Variants in ACACA observed in about 807,000 individuals in gnomAD.
ACACA encodes the protein acetyl-CoA carboxylase alpha, also known as acetyl-CoA carboxylase 1.
Under a neutral mutation model 296.1 loss-of-function variants are expected in ACACA, and 103 were observed. The ratio of observed to expected loss-of-function variants is 0.35; its 90% CI spans 0.30 to 0.41. The LOEUF is 0.41. Among genes scored for constraint, ACACA ranks in the 10% least tolerant of loss-of-function variants. The pLI is 1.00. For missense variants in ACACA, 1,554 were observed against 2,989.7 expected (o/e 0.52, Z 11.20); for synonymous variants, 953 against 1,038.6 (o/e 0.92, Z 1.58).
At chr17:37,110,556 C>T (rs1196857544) in intron 52 of ACACA, among the ~76,000 whole-genome samples, 1 of 152,174 alleles carries the variant, frequency 6.6e-6, no homozygotes, top group Non-Finnish European at 1.5e-5. Context: ...CCGTGTTTGG[C>T]AGGCAACCTG....
intron 52 of ACACA, among the ~76,000 whole-genome samples, chr17:37,110,880 G>T (rs2073937692): frequency 6.6e-6 from 1 of 152,138 alleles, no homozygotes; most frequent in Non-Finnish European, 1.5e-5. Context: ...TGTTTTAAAA[G>T]AATCTGAAAC....
At chr17:37,366,575 T>A (rs1185684375) in intron 1 of ACACA, among the ~76,000 whole-genome samples, 1 of 151,662 alleles carries the variant, frequency 6.6e-6, no homozygotes, top group Non-Finnish European at 1.5e-5. Flanking sequence ...TTCAAGCAAT[T>A]CTCCTGCCTC....
At chr17:37,096,953 G>C (rs1218177853) in intron 54 of ACACA, 43 bp downstream of exon 54, 1 of 1,612,612 alleles carries the variant, frequency 6.2e-7, no homozygotes, top group Non-Finnish European at 8.5e-7. Flanking sequence ...CAGGTGGTGT[G>C]AGGAACTCAG....
chr17:37,106,768 A>T (rs1194172308), intron 52 of ACACA, among the ~76,000 whole-genome samples: 1 of 151,896 alleles, frequency 6.6e-6, no homozygotes, highest in Non-Finnish European at 1.5e-5. Context: ...GTCATTTGGG[A>T]CCAAGACACA....
intron 2 of ACACA, among the ~76,000 whole-genome samples, chr17:37,332,755 T>C (rs1301064356): frequency 6.6e-6 from 1 of 151,610 alleles, no homozygotes; most frequent in East Asian, 1.9e-4. Context: ...CTACTAAAAA[T>C]ACAAAAATTA....
intron 3 of ACACA, among the ~76,000 whole-genome samples, chr17:37,286,398 C>T (rs1381202760): frequency 3.3e-5 from 5 of 152,048 alleles, no homozygotes; most frequent in African/African-American, 4.8e-5. Context: ...ATTTACTGTC[C>T]TGGTTATTTA....
intron 1 of ACACA, chr17:37,377,795 G>A (rs2050071725): frequency 8.8e-7 from 1 of 1,140,654 alleles, no homozygotes; most frequent in Non-Finnish European, 1.3e-6. Flanking sequence ...CCATTGCCCA[G>A]AATTCTAAAA....
chr17:37,328,578 C>T (rs2047723986), intron 3 of ACACA: 1 of 254,604 alleles, frequency 3.9e-6, no homozygotes, highest in Non-Finnish European at 7.4e-6. Flanking sequence ...CACTAACGAA[C>T]ACTGCCTAGT....
chr17:37,194,786 G>T (rs576517518), intron 35 of ACACA, among the ~76,000 whole-genome samples: 1 of 152,050 alleles, frequency 6.6e-6, no homozygotes, highest in East Asian at 1.9e-4. Context: ...TCTTTTCCTT[G>T]GTATTTTAAC....
chr17:37,191,745 C>T (rs965571692), intron 37 of ACACA, among the ~76,000 whole-genome samples: 2 of 152,166 alleles, frequency 1.3e-5, no homozygotes, highest in South Asian at 2.1e-4. Context: ...GCTCTACCAT[C>T]ACCCAATTCT....
Position 37,379,525 on chromosome 17 carries a change from T to C in ACACA, c.38+26737A>G, listed in dbSNP as rs2050153138. ...GGTTGTTTGTTTTTTTTCTTGTAAA[T>C]TTGTTTGAGTTCATTGTAGATTCTG... On this transcript the variant is annotated intron_variant, in intron 1 of 55. Coordinates refer to ENST00000616317, the MANE Select transcript of ACACA (RefSeq NM_198834.3). 2.5e-6 allele frequency: 3 copies of C among 1,215,118 alleles called. No individual in the cohort carries two copies. The East Asian group carries it at 7.7e-5, about 31-fold the overall frequency. The allele number at this position is 1,215,118 out of a possible 1,614,324, so 75.3% of individuals were successfully genotyped here. A position where few individuals can be genotyped will look rare whatever the true frequency, so the allele number is the denominator to read the frequency against.
At chr17:37,302,648 T>C (rs1039057948) in intron 3 of ACACA, among the ~76,000 whole-genome samples, 58 of 152,354 alleles carry the variant, frequency 3.8e-4, no homozygotes, top group African/African-American at 1.3e-3. Flanking sequence ...ATAAGTCTTA[T>C]ACCTTTTTTG....
intron 29 of ACACA, among the ~76,000 whole-genome samples, chr17:37,211,988 A>G (rs2078767958): frequency 6.6e-6 from 1 of 152,208 alleles, no homozygotes; most frequent in South Asian, 2.1e-4. Flanking sequence ...GTTCTAGAAC[A>G]GAGGGAGGTA....
rs558542562 is a variant in ACACA, at chr17:37,213,170, C to CAT, written c.3684-2682_3684-2681dup. ...CCATCTTTACACACACACACACACA[C>CAT]ATACACACACACACGCACACAAATA... On this transcript the variant is annotated intron_variant, in intron 29 of 55. Coordinates refer to ENST00000616317, the MANE Select transcript of ACACA (RefSeq NM_198834.3). Among the ~76,000 whole-genome samples the CAT allele has an allele frequency of 6.7e-3, 1,018 of 151,432 alleles. 7 individuals carry two copies. Among genetic ancestry groups the CAT allele is most frequent in the Middle Eastern group, 0.051 (15 of 292 alleles).
intron 11 of ACACA, among the ~76,000 whole-genome samples, chr17:37,260,845 A>G (rs2081483625): frequency 6.6e-6 from 1 of 152,168 alleles, no homozygotes; most frequent in Admixed American, 6.5e-5. Flanking sequence ...CTCACCTCAG[A>G]CTAGGATGGG....
intron 41 of ACACA, chr17:37,162,470 G>A (rs2076498343): frequency 1.3e-5 from 4 of 308,434 alleles, no homozygotes; most frequent in South Asian, 3.1e-5. Flanking sequence ...AACATTAGAG[G>A]TGGGGCCTGG....
At chr17:37,197,443 C>T (rs1026798559) in intron 35 of ACACA, among the ~76,000 whole-genome samples, 4 of 152,182 alleles carry the variant, frequency 2.6e-5, no homozygotes, top group Admixed American at 1.3e-4. Context: ...GATTCCACAG[C>T]ATTGGACAGG....
At chr17:37,104,051 G>A (rs2073525423) in intron 52 of ACACA, among the ~76,000 whole-genome samples, 1 of 152,032 alleles carries the variant, frequency 6.6e-6, no homozygotes, top group South Asian at 2.1e-4. Context: ...GGCTTCCTTG[G>A]GCCACATTGG....
In ACACA at chr17:37,329,622, CAG is replaced by C. The variant is rs1233996229; in HGVS notation, c.338+549_338+550del. 2.9e-5 allele frequency among the ~76,000 whole-genome samples: 4 copies of C among 138,420 alleles called. No individual in the cohort carries two copies. The East Asian group carries it at 6.2e-4, about 21-fold the overall frequency. 90.8% of individuals were successfully genotyped at this position (138,420 alleles called of 152,430 possible). The stretch of plus-strand genomic sequence containing the variant: ...TACCACTGCACTCCCATTTGGGCGA[CAG>C]AGTGAGACTCTATCTCAAAAAAAAA... On this transcript the variant is annotated intron_variant, in intron 3 of 55. Transcript: ENST00000616317.
Sources: allele counts gnomAD v4.1 joint callset (sites outside exome capture counted in the v4.1 genomes callset), GRCh38; gene constraint gnomAD v4.1.1; transcripts MANE v1.5; gene names NCBI Gene and HGNC (gene_info 2026-07-23, HGNC 2026-07-21).